CNTNAP2: variants seen among roughly 807,000 people sequenced by gnomAD.
CNTNAP2 encodes contactin associated protein 2, also known as contactin-associated protein-like 2.
Under a neutral mutation model 155.2 loss-of-function variants are expected in CNTNAP2, and 98 were observed. The ratio of observed to expected loss-of-function variants is 0.63; its 90% CI spans 0.54 to 0.75. The LOEUF (loss-of-function observed/expected upper bound fraction) is 0.75. Among genes scored for constraint, CNTNAP2 ranks in the 30% least tolerant of loss-of-function variants. The pLI is 0.00. For synonymous variants in CNTNAP2, 651 were observed against 631.2 expected (o/e 1.03, Z -0.47); for missense variants, 1,727 against 1,688.1 (o/e 1.02, Z -0.40).
At chr7:147,503,404 A>G (rs188766919) in intron 11 of CNTNAP2, among the ~76,000 whole-genome samples, 1 of 152,246 alleles carries the variant, frequency 6.6e-6, no homozygotes, top group East Asian at 1.9e-4. Flanking sequence ...CAAAGACTGT[A>G]TTCCCAAATA....
intron 15 of CNTNAP2, among the ~76,000 whole-genome samples, chr7:148,052,560 A>C (rs1343324590): frequency 6.6e-6 from 1 of 152,234 alleles, no homozygotes; most frequent in African/African-American, 2.4e-5. Flanking sequence ...GTAGTTCTTG[A>C]GCAAGGATTT....
At chr7:147,816,154 G>A (rs1584970662) in intron 13 of CNTNAP2, among the ~76,000 whole-genome samples, 1 of 144,784 alleles carries the variant, frequency 6.9e-6, no homozygotes, top group Non-Finnish European at 1.5e-5. Flanking sequence ...ATCCACACAG[G>A]AGAAGTTCAT....
intron 2 of CNTNAP2, among the ~76,000 whole-genome samples, chr7:146,825,439 C>T (rs1454336284): frequency 2.6e-5 from 4 of 152,120 alleles, no homozygotes; most frequent in African/African-American, 9.7e-5. Context: ...GAATCACTCA[C>T]TATGCATGAG....
At chr7:146,539,785 C>G (rs1797923810) in intron 1 of CNTNAP2, among the ~76,000 whole-genome samples, 1 of 152,044 alleles carries the variant, frequency 6.6e-6, no homozygotes, top group African/African-American at 2.4e-5. Context: ...GACGTGTTCT[C>G]TTTTTCTTGC....
Position 148,415,849 on chromosome 7 carries a change from C to G in CNTNAP2, c.*233C>G. The G allele has an allele frequency of 1.7e-6, 1 of 592,690 alleles. No homozygotes were observed. Among genetic ancestry groups the G allele is most frequent in the Non-Finnish European group, 3.0e-6 (1 of 337,996 alleles). The allele number at this position is 592,690 out of a possible 1,614,324, so 36.7% of individuals were successfully genotyped here. Reference sequence around the variant, plus strand: ...CCTTCTGTATCAAAACAAAATAATACAAAAAATGCTTTTAGAGTTTAAGCA... The same window carrying G: ...CCTTCTGTATCAAAACAAAATAATAGAAAAAATGCTTTTAGAGTTTAAGCA... On this transcript the variant is annotated 3_prime_UTR_variant, in exon 24 of 24. Coordinates refer to ENST00000361727, the MANE Select transcript of CNTNAP2 (RefSeq NM_014141.6).
intron 13 of CNTNAP2, among the ~76,000 whole-genome samples, chr7:147,851,762 G>C (rs1014690082): frequency 7.5e-6 from 1 of 132,588 alleles, no homozygotes; most frequent in East Asian, 2.6e-4. Flanking sequence ...GCCTGTCGTG[G>C]GGTGGGGGGA....
chr7:148,065,660 C>T (rs1415837552), intron 15 of CNTNAP2, among the ~76,000 whole-genome samples: 2 of 152,088 alleles, frequency 1.3e-5, no homozygotes, highest in Non-Finnish European at 1.5e-5. Flanking sequence ...CACTCCTTTA[C>T]CTTACATTTA....
At chr7:147,304,127 T>A (rs1179416512) in intron 9 of CNTNAP2, among the ~76,000 whole-genome samples, 2 of 152,184 alleles carry the variant, frequency 1.3e-5, no homozygotes, top group Non-Finnish European at 2.9e-5. Context: ...TCTCTGTGCT[T>A]GCTCCCTGCT....
At chr7:148,199,425 G>A (rs541213357) in intron 18 of CNTNAP2, among the ~76,000 whole-genome samples, 2 of 152,292 alleles carry the variant, frequency 1.3e-5, no homozygotes, top group East Asian at 1.9e-4. Flanking sequence ...GTATCCAGAG[G>A]TAATACCCAG....
At chr7:148,048,231 G>A (rs771355704) in intron 15 of CNTNAP2, among the ~76,000 whole-genome samples, 3 of 152,066 alleles carry the variant, frequency 2.0e-5, no homozygotes, top group Non-Finnish European at 2.9e-5. Flanking sequence ...GCCACTGGGT[G>A]CCTTACTTTT....
chr7:146,481,344 G>T (rs1796957999), intron 1 of CNTNAP2, among the ~76,000 whole-genome samples: 1 of 152,162 alleles, frequency 6.6e-6, no homozygotes, highest in South Asian at 2.1e-4. Flanking sequence ...AGGCAATGTA[G>T]CATACTGGCT....
chr7:146,754,712 G>A (rs1279319434), intron 1 of CNTNAP2, among the ~76,000 whole-genome samples: 2 of 151,812 alleles, frequency 1.3e-5, no homozygotes, highest in Non-Finnish European at 2.9e-5. Context: ...AAAAAATGTA[G>A]CAGGTGTTGT....
intron 2 of CNTNAP2, among the ~76,000 whole-genome samples, chr7:146,829,248 T>C (rs890197357): frequency 2.6e-5 from 4 of 152,038 alleles, no homozygotes; most frequent in Admixed American, 2.6e-4. Context: ...AAGCCTCAGC[T>C]AGACAGATTT....
At chr7:148,252,253 C>T (rs1463149378) in intron 20 of CNTNAP2, among the ~76,000 whole-genome samples, 4 of 152,210 alleles carry the variant, frequency 2.6e-5, no homozygotes, top group Admixed American at 2.0e-4. Flanking sequence ...ATATCAGTTT[C>T]TCAAGGAGAG....
At chr7:147,927,894 A>G (rs935373625) in intron 14 of CNTNAP2, among the ~76,000 whole-genome samples, 1 of 152,176 alleles carries the variant, frequency 6.6e-6, no homozygotes, top group Non-Finnish European at 1.5e-5. Flanking sequence ...CCGATTATCA[A>G]TTAAATATGC....
intron 1 of CNTNAP2, among the ~76,000 whole-genome samples, chr7:146,712,137 G>A (rs1482655091): frequency 9.6e-6 from 1 of 104,442 alleles, no homozygotes; most frequent in African/African-American, 5.7e-5. Context: ...CATATCTTAT[G>A]TATACTATAT....
chr7:147,088,681 C>A (rs1337184954), intron 4 of CNTNAP2, among the ~76,000 whole-genome samples: 1 of 152,090 alleles, frequency 6.6e-6, no homozygotes, highest in Non-Finnish European at 1.5e-5. Flanking sequence ...GGTGCAGTTC[C>A]CACCTGTAAT....
chr7:147,311,697 G>C (rs897572575), intron 9 of CNTNAP2, among the ~76,000 whole-genome samples: 1 of 120,790 alleles, frequency 8.3e-6, no homozygotes, highest in Non-Finnish European at 1.7e-5. Flanking sequence ...AAACCAGAAA[G>C]AAGTTTGTGT....
chr7:148,071,243 G>A (rs933823681), intron 15 of CNTNAP2, among the ~76,000 whole-genome samples: 5 of 152,142 alleles, frequency 3.3e-5, no homozygotes, highest in South Asian at 4.1e-4. Flanking sequence ...TTCAGAGGCC[G>A]AGACGGGCGG....
Sources: gnomAD v4.1 joint callset for allele counts (sites outside exome capture counted in the v4.1 genomes callset) on GRCh38, gnomAD v4.1.1 for gene constraint, MANE v1.5 for transcripts, NCBI Gene and HGNC (gene_info 2026-07-23, HGNC 2026-07-21) for gene names.